The following JCAD variants were observed in gnomAD, a reference collection of about 807,000 sequenced individuals.
JCAD encodes junctional cadherin 5-associated protein.
JCAD carries 40 observed loss-of-function variants against 98.0 expected under a neutral mutation model. That is an observed-to-expected ratio of 0.41 (90% CI 0.32 to 0.53). The LOEUF is 0.53. Among genes scored for constraint, JCAD ranks in the 20% least tolerant of loss-of-function variants. JCAD has a pLI of 0.31. For synonymous variants in JCAD, 691 were observed against 682.3 expected (o/e 1.01, Z -0.20); for missense variants, 1,705 against 1,738.1 (o/e 0.98, Z 0.34).
intron 1 of JCAD, among the ~76,000 whole-genome samples, chr10:30,051,080 T>G (rs543817772): frequency 2.0e-5 from 3 of 152,306 alleles, no homozygotes; most frequent in South Asian, 4.1e-4. Context: ...CATCTATATT[T>G]TCTTCCTTAA....
chr10:30,110,376 T>C (rs1438918802), intron 1 of JCAD, among the ~76,000 whole-genome samples: 2 of 151,962 alleles, frequency 1.3e-5, no homozygotes, highest in African/African-American at 2.4e-5. Context: ...AGCTGATGTA[T>C]AGACCAGCTG....
At chr10:30,052,660 C>T (rs930157862) in intron 1 of JCAD, among the ~76,000 whole-genome samples, 10 of 152,150 alleles carry the variant, frequency 6.6e-5, no homozygotes, top group African/African-American at 1.9e-4. Context: ...TGCACGCTTA[C>T]GCCAACGTAA....
At chr10:30,070,889 T>TTTG (rs1027763190) in intron 1 of JCAD, among the ~76,000 whole-genome samples, 49 of 152,222 alleles carry the variant, frequency 3.2e-4, no homozygotes, top group African/African-American at 8.7e-4. Context: ...ATACAGTGTT[T>TTTG]TTGTTGTTGT....
At position 30,028,205 on chromosome 10, in the gene JCAD, T is replaced by C; in HGVS notation, c.1943A>G (p.Gln648Arg). ...TTCTGGTTCCCCTAGATCTTGTTTTTGGAACTCCGTTCTCCCACCCATGCT... is the reference window on the plus strand; with the variant it reads ...TTCTGGTTCCCCTAGATCTTGTTTTCGGAACTCCGTTCTCCCACCCATGCT... ...TGSMGGRTEF[Q>R]KQDLGEPEED... The change falls in exon 3 of 4, where the codon CAA (glutamine) becomes CGA (arginine). Residue 648 changes from glutamine (Q) to arginine (R), a missense_variant. Around this residue, in one of 3 missense-constraint regions of JCAD, gnomAD observed 1,278 missense variants for 1,243.1 expected, o/e 1.03. Coordinates refer to ENST00000375377, the MANE Select transcript of JCAD (RefSeq NM_020848.4). The C allele has an allele frequency of 6.2e-7, 1 of 1,614,208 alleles. No homozygotes were observed. The highest frequency in any genetic ancestry group is 8.5e-7 in the Non-Finnish European group (1 of 1,180,044).
At chr10:30,049,130 T>A (rs1032812916) in intron 1 of JCAD, among the ~76,000 whole-genome samples, 3 of 152,170 alleles carry the variant, frequency 2.0e-5, no homozygotes, top group African/African-American at 7.2e-5. Flanking sequence ...AAGTCTTCCC[T>A]TTGATGATAA....
intron 1 of JCAD, among the ~76,000 whole-genome samples, chr10:30,097,613 G>T (rs1433772454): frequency 6.6e-6 from 1 of 152,060 alleles, no homozygotes; most frequent in East Asian, 1.9e-4. Context: ...CAGGCGTAGT[G>T]GTGCACTGTA....
At position 30,026,410 on chromosome 10, in the gene JCAD, T is replaced by C; in HGVS notation, c.3738A>G (p.Lys1246=). ...CTGCTCTCCTAGGCGGGGAGGCCAGTTTCTCTTGTAAACTTTCAATCACTT... is the reference window on the plus strand; with the variant it reads ...CTGCTCTCCTAGGCGGGGAGGCCAGCTTCTCTTGTAAACTTTCAATCACTT... ...PSKVIESLQE[K]LASPPRRADP... Residue 1246 remains lysine, a synonymous_variant, in exon 3 of 4, where the codon AAA becomes AAG. Coordinates refer to ENST00000375377, the MANE Select transcript of JCAD (RefSeq NM_020848.4). 6.2e-7 allele frequency: 1 copy of C among 1,614,220 alleles called. No individual in the cohort carries two copies.
At chr10:30,048,239 A>G (rs1419707513) in intron 1 of JCAD, among the ~76,000 whole-genome samples, 2 of 152,202 alleles carry the variant, frequency 1.3e-5, no homozygotes, top group African/African-American at 2.4e-5. Context: ...GACAAAAAAA[A>G]TACAGACCTG....
At chr10:30,084,059 G>C (rs993379801) in intron 1 of JCAD, among the ~76,000 whole-genome samples, 19 of 145,984 alleles carry the variant, frequency 1.3e-4, no homozygotes, top group African/African-American at 4.8e-4. Context: ...GAAATAGAAA[G>C]AAAAAGAAAG....
intron 1 of JCAD, among the ~76,000 whole-genome samples, chr10:30,080,958 G>C (rs977490452): frequency 2.0e-5 from 3 of 152,230 alleles, no homozygotes; most frequent in African/African-American, 4.8e-5. Flanking sequence ...TTTAGGGATA[G>C]AGGAAAACAG....
chr10:30,068,187 G>A (rs1470802140), intron 2 of JCAD, among the ~76,000 whole-genome samples: 1 of 151,942 alleles, frequency 6.6e-6, no homozygotes, highest in African/African-American at 2.4e-5. Context: ...TCAGGAGTTC[G>A]AGACCAGCCT....
chr10:30,027,771 C>T lies in JCAD; in HGVS notation c.2377G>A (p.Ala793Thr). ...QPCVDVHGLG[A>T]HPGPKREVVK... ...ACCTCCCGCTTAGGCCCAGGGTGGG[C>T]TCCAAGCCCGTGGACATCCACGCAG... is the stretch of plus-strand genomic sequence containing the variant. The change falls in exon 3 of 4, where the codon GCC (alanine) becomes ACC (threonine). Residue 793 changes from alanine (A) to threonine (T), a missense_variant. By Grantham distance (58) the Ala-to-Thr change is moderately conservative. Transcript: ENST00000375377. 3 of 1,614,244 alleles carry T rather than the reference C, an allele frequency of 1.9e-6. No homozygotes were observed. Among genetic ancestry groups the T allele is most frequent in the Non-Finnish European group, 2.5e-6 (3 of 1,180,034 alleles).
chr10:30,106,561 C>T (rs896216649), intron 1 of JCAD, among the ~76,000 whole-genome samples: 1 of 152,200 alleles, frequency 6.6e-6, no homozygotes, highest in African/African-American at 2.4e-5. Flanking sequence ...AGTGCAGTGG[C>T]ACTATCTCGG....
At chr10:30,049,282 A>C (rs186738105) in intron 1 of JCAD, among the ~76,000 whole-genome samples, 3 of 152,164 alleles carry the variant, frequency 2.0e-5, no homozygotes. Context: ...ACCCCACTTC[A>C]CTGGTGGACG....
intron 2 of JCAD, among the ~76,000 whole-genome samples, chr10:30,037,381 G>A (rs1177236966): frequency 6.6e-6 from 1 of 152,180 alleles, no homozygotes. Context: ...TAAAATTAAA[G>A]GTCAGTCAGA....
chr10:30,078,690 C>CACT (rs144009850), intron 1 of JCAD, among the ~76,000 whole-genome samples: 3,065 of 152,260 alleles, frequency 0.02, 113 homozygotes, highest in African/African-American at 0.07. Flanking sequence ...GTCCCCTTTA[C>CACT]ACTACTACAC....
chr10:30,043,662 C>G (rs1837283343), intron 2 of JCAD, among the ~76,000 whole-genome samples: 1 of 152,174 alleles, frequency 6.6e-6, no homozygotes, highest in Admixed American at 6.6e-5. Context: ...GGGTGGAGGA[C>G]AAGGGACTGA....
chr10:30,044,703 C>A, intron 2 of JCAD: 1 of 277,028 alleles, frequency 3.6e-6, no homozygotes, highest in Non-Finnish European at 5.3e-6. Context: ...TAAATTTAAG[C>A]TGTTAACTAT....
chr10:30,078,787 G>C (rs1228822123), intron 1 of JCAD, among the ~76,000 whole-genome samples: 4 of 152,188 alleles, frequency 2.6e-5, no homozygotes, highest in African/African-American at 9.7e-5. Flanking sequence ...CAGTTACGAG[G>C]ATGGTGACCC....
Sources: gnomAD v4.1 joint callset for allele counts (sites outside exome capture counted in the v4.1 genomes callset) on GRCh38, gnomAD v4.1.1 for gene constraint, gnomAD v4.1.1 regional missense constraint, MANE v1.5 for transcripts, NCBI Gene and HGNC (gene_info 2026-07-23, HGNC 2026-07-21) for gene names.